Variants in NRG3 observed in about 807,000 individuals in gnomAD.
NRG3 encodes pro-neuregulin-3, membrane-bound isoform.
NRG3 carries 31 observed loss-of-function variants against 66.9 expected under a neutral mutation model. The ratio of observed to expected loss-of-function variants is 0.46; its 90% CI spans 0.35 to 0.63. The LOEUF (loss-of-function observed/expected upper bound fraction) is 0.63. NRG3 is among the 20% of genes least tolerant of loss of function. The pLI is 0.00. For missense variants in NRG3, 910 were observed against 878.9 expected, an observed-to-expected ratio of 1.04 and a Z score of -0.45; for synonymous variants, 393 against 359.4, an observed-to-expected ratio of 1.09 and a Z score of -1.06.
chr10:82,062,033 A>G (rs1262085179), intron 1 of NRG3, among the ~76,000 whole-genome samples: 1 of 152,210 alleles, frequency 6.6e-6, no homozygotes, highest in East Asian at 1.9e-4. Context: ...TGACCAAAGA[A>G]TAGCTATCCA....
rs1200990494 is a variant in NRG3 at position 82,657,238 on chromosome 10, T to A, written c.954-81339T>A. Among the ~76,000 whole-genome samples, 5 of 140,974 alleles carry A rather than the reference T, an allele frequency of 3.5e-5. No individual in the cohort carries two copies. In the East Asian group the frequency reaches 9.6e-4, roughly 27 times the overall value. The allele number at this position is 140,974 out of a possible 152,430, so 92.5% of individuals were successfully genotyped here. On this transcript the variant is annotated intron_variant, in intron 2 of 8. Coordinates refer to ENST00000372141, the MANE Select transcript of NRG3 (RefSeq NM_001010848.4). Reference sequence around the variant, plus strand: ...TATTTTATGTATATTGTTTATCACCTCTCTCTCTGTTCTGTCTAGGTCAGC... The same window carrying A: ...TATTTTATGTATATTGTTTATCACCACTCTCTCTGTTCTGTCTAGGTCAGC...
At chr10:82,973,599 G>A (rs1267501653) in intron 6 of NRG3, among the ~76,000 whole-genome samples, 189 bp from the exon 7 acceptor site, 1 of 152,168 alleles carries the variant, frequency 6.6e-6, no homozygotes, top group African/African-American at 2.4e-5. Flanking sequence ...CACAGAGATG[G>A]TTGGGGCAGG....
intron 1 of NRG3, among the ~76,000 whole-genome samples, chr10:82,111,487 C>T (rs1363834880): frequency 6.6e-6 from 1 of 152,112 alleles, no homozygotes; most frequent in African/African-American, 2.4e-5. Flanking sequence ...TTAGCATGCC[C>T]TCTATGCTGT....
At chr10:82,464,773 G>C (rs2131999031) in intron 2 of NRG3, among the ~76,000 whole-genome samples, 1 of 152,238 alleles carries the variant, frequency 6.6e-6, no homozygotes, top group Middle Eastern at 3.4e-3. Context: ...AGAAAAAGGG[G>C]GCTCAGAATA....
chr10:82,105,560 G>A (rs891216246), intron 1 of NRG3, among the ~76,000 whole-genome samples: 2 of 151,538 alleles, frequency 1.3e-5, no homozygotes, highest in Admixed American at 1.3e-4. Flanking sequence ...TTTGTGTAGA[G>A]GAGGTTCTTG....
chr10:82,233,702 G>A (rs956969140), intron 1 of NRG3, among the ~76,000 whole-genome samples: 1 of 151,980 alleles, frequency 6.6e-6, no homozygotes, highest in Non-Finnish European at 1.5e-5. Context: ...TTCTCCCTCA[G>A]TCTTCCCTTT....
intron 1 of NRG3, among the ~76,000 whole-genome samples, chr10:81,896,465 T>C (rs1167472671): frequency 6.6e-6 from 1 of 152,192 alleles, no homozygotes; most frequent in Non-Finnish European, 1.5e-5. Flanking sequence ...CCAAAGTGTA[T>C]CTTGATAGAT....
chr10:82,893,923 T>C (rs928173921), intron 4 of NRG3, among the ~76,000 whole-genome samples: 1 of 151,970 alleles, frequency 6.6e-6, no homozygotes, highest in Non-Finnish European at 1.5e-5. Flanking sequence ...ATAAAAATTA[T>C]CAGATAAAGA....
chr10:82,444,646 T>C (rs2090620683), intron 2 of NRG3, among the ~76,000 whole-genome samples: 1 of 152,094 alleles, frequency 6.6e-6, no homozygotes, highest in Non-Finnish European at 1.5e-5. Context: ...GTAGAGCTAC[T>C]AGAAGTTTCC....
intron 1 of NRG3, among the ~76,000 whole-genome samples, chr10:81,879,331 T>G (rs1225595236): frequency 6.6e-6 from 1 of 152,344 alleles, no homozygotes; most frequent in South Asian, 2.1e-4. Context: ...AGGAGGTCAC[T>G]ACAGACAGTA....
chr10:81,876,269 AT>A, intron 1 of NRG3, 106 bp downstream of exon 1: 1 of 1,405,300 alleles, frequency 7.1e-7, no homozygotes, highest in Non-Finnish European at 9.5e-7. Flanking sequence ...CCCCTCCCCC[AT>A]CCCAGGTTTG....
intron 1 of NRG3, among the ~76,000 whole-genome samples, chr10:82,295,713 C>A (rs182177670): frequency 3.3e-4 from 51 of 152,250 alleles, no homozygotes; most frequent in Non-Finnish European, 5.3e-4. Context: ...GCTATTTTAA[C>A]CTCTGGCTTT....
intron 2 of NRG3, among the ~76,000 whole-genome samples, chr10:82,401,414 A>G (rs1320628586): frequency 6.6e-6 from 1 of 152,124 alleles, no homozygotes; most frequent in Admixed American, 6.6e-5. Context: ...ACATATACAT[A>G]TATTTTGATA....
chr10:82,463,143 GC>G (rs1590216538), intron 2 of NRG3, among the ~76,000 whole-genome samples: 1 of 152,298 alleles, frequency 6.6e-6, no homozygotes, highest in East Asian at 1.9e-4. Flanking sequence ...TAACTGGCTT[GC>G]CCTCTGAGCA....
chr10:82,679,256 T>G (rs1047710095), intron 2 of NRG3, among the ~76,000 whole-genome samples: 1 of 152,222 alleles, frequency 6.6e-6, no homozygotes, highest in African/African-American at 2.4e-5. Flanking sequence ...AGGTCTATTA[T>G]AAAACTAGCA....
intron 2 of NRG3, among the ~76,000 whole-genome samples, chr10:82,538,250 C>A (rs1450569670): frequency 6.6e-6 from 1 of 152,082 alleles, no homozygotes; most frequent in African/African-American, 2.4e-5. Flanking sequence ...AGTGACTGAG[C>A]CAGAATTTGA....
chr10:81,960,312 A>G (rs1850231802), intron 1 of NRG3, among the ~76,000 whole-genome samples: 2 of 152,132 alleles, frequency 1.3e-5, no homozygotes, highest in South Asian at 2.1e-4. Flanking sequence ...TCTCATGGCT[A>G]TTTCTTTATC....
intron 2 of NRG3, among the ~76,000 whole-genome samples, chr10:82,560,326 T>C (rs540220165): frequency 6.6e-6 from 1 of 151,544 alleles, no homozygotes; most frequent in South Asian, 2.1e-4. Context: ...GAATAAGATA[T>C]GTCATTACTT....
intron 2 of NRG3, among the ~76,000 whole-genome samples, chr10:82,516,626 G>A (rs1460540729): frequency 6.6e-6 from 1 of 152,108 alleles, no homozygotes; most frequent in Non-Finnish European, 1.5e-5. Flanking sequence ...TATTATTCAT[G>A]GTCTTTGATG....
Sources: allele counts gnomAD v4.1 joint callset (sites outside exome capture counted in the v4.1 genomes callset), GRCh38; gene constraint gnomAD v4.1.1; transcripts MANE v1.5; gene names NCBI Gene and HGNC (gene_info 2026-07-23, HGNC 2026-07-21).